ACKR3: variants seen among roughly 807,000 people sequenced by gnomAD.
ACKR3 encodes atypical chemokine receptor 3.
A neutral mutation model predicts 22.4 loss-of-function variants in ACKR3; 6 were observed. The ratio of observed to expected loss-of-function variants is 0.27; its 90% confidence interval spans 0.15 to 0.53. The LOEUF (loss-of-function observed/expected upper bound fraction) is 0.53, where lower values mean the gene tolerates loss of function less well. Ranked by LOEUF, ACKR3 falls within the 20% of genes least tolerant of loss-of-function variation. The probability of loss-of-function intolerance (pLI) is 0.96; values close to 1 mark genes in which losing one functional copy is unlikely to be tolerated. For missense variants in ACKR3, 396 were observed against 475.2 expected, an observed-to-expected ratio of 0.83 and a Z score of 1.55; for synonymous variants, 209 against 205.2, an observed-to-expected ratio of 1.02 and a Z score of -0.16.
Position 236,581,432 on chromosome 2 carries a change from A to G in ACKR3, c.967A>G (p.Arg323Gly). 1 of 1,614,104 alleles carries G rather than the reference A, an allele frequency of 6.2e-7. No individual in the cohort carries two copies. The highest frequency in any genetic ancestry group is 8.5e-7 in the Non-Finnish European group (1 of 1,180,028). Residue 323 changes from arginine to glycine, a missense_variant, in exon 2 of 2, where the codon AGG (arginine) becomes GGG (glycine). Arg to Gly is a moderately radical substitution (Grantham distance 125, BLOSUM62 -2). Coordinates refer to ENST00000272928, the MANE Select transcript of ACKR3 (RefSeq NM_020311.3). The surrounding 1 kb of genome is among the most constrained non-coding windows in gnomAD (Gnocchi z 4.4). ...CTACAGCTTCATCAATCGCAACTAC[A>G]GGTACGAGCTGATGAAGGCCTTCAT... ...VLYSFINRNY[R>G]YELMKAFIFK...
the ACKR3 span, among the ~76,000 whole-genome samples, chr2:236,550,490 C>T: frequency 2.5e-4 from 38 of 152,320 alleles, no homozygotes; most frequent in African/African-American, 8.4e-4. The surrounding 1 kb of genome is among the most constrained non-coding windows in gnomAD (Gnocchi z 4.6). Flanking sequence ...CTGAGGATAT[C>T]CAGCTTGTGA....
At chr2:236,559,030 C>T in the ACKR3 span, among the ~76,000 whole-genome samples, 40 of 152,306 alleles carry the variant, frequency 2.6e-4, no homozygotes, top group South Asian at 6.8e-3. Context: ...AATCACAATA[C>T]TTCAGAATGT....
the ACKR3 span, among the ~76,000 whole-genome samples, chr2:236,537,916 A>G: frequency 6.7e-6 from 1 of 148,342 alleles, no homozygotes; most frequent in Non-Finnish European, 1.5e-5. Flanking sequence ...TGCTTCTATT[A>G]GGCAATCAGT....
At chr2:236,578,011 A>G (rs1466531899) in intron 1 of ACKR3, among the ~76,000 whole-genome samples, 2 of 152,224 alleles carry the variant, frequency 1.3e-5, no homozygotes, top group African/African-American at 4.8e-5. Flanking sequence ...CCAAGCCATG[A>G]TGCAAATGTG....
At chr2:236,566,087 G>T (rs1290361443), upstream of ACKR3, among the ~76,000 whole-genome samples, 2 of 152,170 alleles carry the variant, frequency 1.3e-5, no homozygotes, top group East Asian at 3.9e-4. Flanking sequence ...ACCGGCCGCC[G>T]CTCTGGCCCG....
chr2:236,549,905 A>G, the ACKR3 span, among the ~76,000 whole-genome samples: 40,098 of 152,104 alleles, frequency 0.26, 8,275 homozygotes, highest in African/African-American at 0.58. The surrounding 1 kb of genome is among the most constrained non-coding windows in gnomAD (Gnocchi z 5.3). Flanking sequence ...AACAGTGTTT[A>G]CAAATCATCT....
chr2:236,544,660 C>T, the ACKR3 span, among the ~76,000 whole-genome samples: 1 of 152,128 alleles, frequency 6.6e-6, no homozygotes, highest in Non-Finnish European at 1.5e-5. The surrounding 1 kb of genome is among the most constrained non-coding windows in gnomAD (Gnocchi z 5.0). Flanking sequence ...TGAAGACGGT[C>T]CCCGGGATTC....
chr2:236,550,706 A>T, the ACKR3 span, among the ~76,000 whole-genome samples: 1 of 152,156 alleles, frequency 6.6e-6, no homozygotes, highest in Non-Finnish European at 1.5e-5. This position sits in a 1 kb window ranked among gnomAD's most constrained non-coding sequence, Gnocchi z 4.6. Flanking sequence ...TCAGCCCCTC[A>T]TTGGTAAAAT....
chr2:236,545,142 C>A, the ACKR3 span, among the ~76,000 whole-genome samples: 1 of 152,152 alleles, frequency 6.6e-6, no homozygotes. This position sits in a 1 kb window ranked among gnomAD's most constrained non-coding sequence, Gnocchi z 5.3. Flanking sequence ...GTGGGACACC[C>A]CGGGTCCTTT....
intron 1 of ACKR3, among the ~76,000 whole-genome samples, chr2:236,578,358 G>T (rs1351469773): frequency 6.6e-6 from 1 of 152,216 alleles, no homozygotes; most frequent in Non-Finnish European, 1.5e-5. Context: ...CACCTCCATG[G>T]GCAGCCTCCC....
Position 236,581,848 on chromosome 2 carries a change from T to A in ACKR3, c.*294T>A, listed in dbSNP as rs1462721629. ...CTTCTGTAAGATAGGATTTTCTGTG[T>A]TTCCTGAATTTTTTATATGGTGATT... On this transcript the variant is annotated 3_prime_UTR_variant, in exon 2 of 2. Transcript: ENST00000272928. The surrounding 1 kb of genome is among the most constrained non-coding windows in gnomAD (Gnocchi z 4.4). 23 of 263,250 alleles carry A rather than the reference T, an allele frequency of 8.7e-5. No homozygotes were observed. The Admixed American group carries it at 8.8e-4, about 10-fold the overall frequency. 16.3% of individuals were successfully genotyped at this position (263,250 alleles called of 1,614,324 possible).
chr2:236,560,315 C>CT, the ACKR3 span, among the ~76,000 whole-genome samples: 1 of 104,266 alleles, frequency 9.6e-6, no homozygotes, highest in Non-Finnish European at 1.7e-5. Context: ...GCACTTGTTG[C>CT]CTTTTTTTTT....
the ACKR3 span, among the ~76,000 whole-genome samples, chr2:236,549,132 A>G: frequency 6.6e-5 from 10 of 152,302 alleles, no homozygotes; most frequent in South Asian, 1.2e-3. The surrounding 1 kb of genome is among the most constrained non-coding windows in gnomAD (Gnocchi z 5.3). Context: ...CATTTCCAAC[A>G]AATTTGAGCA....
the ACKR3 span, among the ~76,000 whole-genome samples, chr2:236,540,668 A>G: frequency 6.6e-6 from 1 of 152,208 alleles, no homozygotes; most frequent in Admixed American, 6.5e-5. Flanking sequence ...AATGAATTTA[A>G]TGTGTGGTGC....
chr2:236,564,860 T>C (rs1185424236), upstream of ACKR3, among the ~76,000 whole-genome samples: 1 of 152,174 alleles, frequency 6.6e-6, no homozygotes, highest in Admixed American at 6.5e-5. Context: ...ACCTGGTCTC[T>C]CTGGGCCTCA....
At chr2:236,550,372 T>G in the ACKR3 span, among the ~76,000 whole-genome samples, 1 of 152,220 alleles carries the variant, frequency 6.6e-6, no homozygotes, top group African/African-American at 2.4e-5. This position sits in a 1 kb window ranked among gnomAD's most constrained non-coding sequence, Gnocchi z 4.6. Flanking sequence ...GCTGCTCACC[T>G]TGGCAAAAGA....
chr2:236,540,920 T>C, the ACKR3 span, among the ~76,000 whole-genome samples: 1 of 152,268 alleles, frequency 6.6e-6, no homozygotes, highest in South Asian at 2.1e-4. Flanking sequence ...AAATCACTTG[T>C]ACCCAAATAC....
chr2:236,574,176 A>G lies in ACKR3; in HGVS notation c.-27+4252A>G, dbSNP rs1691362166. On this transcript the variant is annotated intron_variant, in intron 1 of 1. Transcript: ENST00000272928. This position sits in a 1 kb window ranked among gnomAD's most constrained non-coding sequence, Gnocchi z 5.6. ...CCCCAGAGCAGTGCCTCCTGGAACA[A>G]GAGGCTCAGTCCGTCAACACCAGCT... Among the ~76,000 whole-genome samples, 1 of 152,030 alleles carries G rather than the reference A, an allele frequency of 6.6e-6. No individual in the cohort carries two copies. Among genetic ancestry groups the G allele is most frequent in the Non-Finnish European group, 1.5e-5 (1 of 67,986 alleles).
At chr2:236,543,871 C>T in the ACKR3 span, among the ~76,000 whole-genome samples, 75 of 145,634 alleles carry the variant, frequency 5.1e-4, no homozygotes, top group African/African-American at 1.2e-3. Context: ...GTTATATCCA[C>T]GAATTGAATT....
Sources: allele counts gnomAD v4.1 joint callset (sites outside exome capture counted in the v4.1 genomes callset), GRCh38; gene constraint gnomAD v4.1.1; non-coding constraint Gnocchi (gnomAD v3.1); transcripts MANE v1.5; gene names NCBI Gene and HGNC (gene_info 2026-07-23, HGNC 2026-07-21).